PDE6D: variants seen among roughly 807,000 people sequenced by gnomAD.
The protein encoded by PDE6D is retinal rod rhodopsin-sensitive cGMP 3',5'-cyclic phosphodiesterase subunit delta.
PDE6D carries 10 observed loss-of-function variants against 21.9 expected under a neutral mutation model. That is an observed-to-expected ratio of 0.46 (90% CI 0.28 to 0.78). The LOEUF is 0.78. Ranked by LOEUF, PDE6D falls within the 30% of genes least tolerant of loss-of-function variation. The pLI is 0.12. For synonymous variants in PDE6D, 59 were observed against 63.5 expected, an observed-to-expected ratio of 0.93 and a Z score of 0.34; for missense variants, 139 against 184.8, an observed-to-expected ratio of 0.75 and a Z score of 1.44.
At chr2:231,743,196 C>T (rs186047262) in intron 1 of PDE6D, among the ~76,000 whole-genome samples, 58 of 151,968 alleles carry the variant, frequency 3.8e-4, no homozygotes, top group African/African-American at 1.4e-3. Context: ...GAGGCCGAGG[C>T]GGGCGGATCA....
intron 4 of PDE6D, among the ~76,000 whole-genome samples, chr2:231,735,390 C>T (rs929393802): frequency 1.3e-5 from 2 of 149,628 alleles, no homozygotes; most frequent in Non-Finnish European, 3.0e-5. Context: ...ACCTCCGGCA[C>T]CCAGATTCAA....
At chr2:231,741,859 G>A (rs1254639005) in intron 1 of PDE6D, among the ~76,000 whole-genome samples, 1 of 152,182 alleles carries the variant, frequency 6.6e-6, no homozygotes, top group African/African-American at 2.4e-5. Context: ...AATTTACCTG[G>A]GAGGATGGGG....
At chr2:231,777,501 A>G (rs1331879878) in intron 1 of PDE6D, among the ~76,000 whole-genome samples, 4 of 152,108 alleles carry the variant, frequency 2.6e-5, no homozygotes, top group Non-Finnish European at 5.9e-5. Context: ...CTATGGGCAT[A>G]TGGGCAAGCT....
intron 1 of PDE6D, among the ~76,000 whole-genome samples, chr2:231,744,479 G>T (rs952283709): frequency 1.4e-5 from 2 of 144,464 alleles, no homozygotes; most frequent in Non-Finnish European, 3.0e-5. Context: ...TTGTTGCCCC[G>T]ACTGGAGTGA....
At chr2:231,744,976 G>A (rs995337973) in intron 1 of PDE6D, among the ~76,000 whole-genome samples, 13 of 152,128 alleles carry the variant, frequency 8.5e-5, no homozygotes, top group African/African-American at 2.4e-4. Flanking sequence ...ATCCAACGAC[G>A]TTGGGATTGA....
chr2:231,780,881 G>A (rs914860078), intron 1 of PDE6D, among the ~76,000 whole-genome samples, 184 bp downstream of exon 1: 7 of 152,132 alleles, frequency 4.6e-5, no homozygotes, highest in Non-Finnish European at 1.0e-4. Context: ...CCCTCAGGAC[G>A]CCCCTTGGGG....
intron 4 of PDE6D, 151 bp downstream of exon 4, chr2:231,737,036 C>A (rs2048707096): frequency 4.5e-6 from 2 of 448,124 alleles, no homozygotes; most frequent in Non-Finnish European, 8.0e-6. Context: ...TGAAAAAGGT[C>A]AGGAACCTGG....
At chr2:231,747,444 A>C (rs2048803257) in intron 1 of PDE6D, among the ~76,000 whole-genome samples, 1 of 152,086 alleles carries the variant, frequency 6.6e-6, no homozygotes, top group Non-Finnish European at 1.5e-5. Flanking sequence ...CATTTAAATG[A>C]GCTGGTTCAT....
chr2:231,736,174 T>TA (rs1171539492), intron 4 of PDE6D, among the ~76,000 whole-genome samples: 1 of 151,972 alleles, frequency 6.6e-6, no homozygotes, highest in East Asian at 1.9e-4. Context: ...CCCTGTTTTT[T>TA]AAAAAAATAA....
intron 1 of PDE6D, among the ~76,000 whole-genome samples, chr2:231,741,113 C>CAAA (rs56947117): frequency 0.011 from 621 of 54,814 alleles, 15 homozygotes; most frequent in African/African-American, 0.039. Context: ...AACCCTGTCT[C>CAAA]AAAAAAAAAA....
Position 231,781,101 on chromosome 2 carries a change from TC to T in PDE6D, c.13del (p.Asp5ThrfsTer8). The T allele has an allele frequency of 6.2e-7, 1 of 1,613,426 alleles. No individual in the cohort carries two copies. Among genetic ancestry groups the T allele is most frequent in the Non-Finnish European group, 8.5e-7 (1 of 1,179,778 alleles). ...CCTCAGGATCTCCCTGGCCCGCTCG[TC>T]CTTGGCTGACATGATGCGGCGGTCG... MSAKDERAREILRGF... is the reference protein window; with the variant it reads MSAKXERAREILRGF... On this transcript the variant is annotated frameshift_variant, in exon 1 of 5. Transcript: ENST00000287600. LOFTEE classifies it high-confidence loss of function.
intron 1 of PDE6D, among the ~76,000 whole-genome samples, chr2:231,776,623 A>G (rs1472342316): frequency 6.6e-6 from 1 of 152,260 alleles, no homozygotes; most frequent in Non-Finnish European, 1.5e-5. Flanking sequence ...AACAGACATA[A>G]AGCTGGTTAA....
At chr2:231,747,869 C>G (rs1432657867) in intron 1 of PDE6D, among the ~76,000 whole-genome samples, 1 of 152,222 alleles carries the variant, frequency 6.6e-6, no homozygotes, top group Non-Finnish European at 1.5e-5. Flanking sequence ...AACACTGAGT[C>G]CACAATGGGT....
intron 1 of PDE6D, among the ~76,000 whole-genome samples, chr2:231,750,636 GGTGT>G (rs1378411948): frequency 6.8e-6 from 1 of 147,962 alleles, no homozygotes; most frequent in African/African-American, 2.5e-5. Flanking sequence ...AGGGATTACA[GGTGT>G]GTGCCACCAT....
chr2:231,763,692 G>A (rs186533274), intron 1 of PDE6D, among the ~76,000 whole-genome samples: 1 of 150,130 alleles, frequency 6.7e-6, no homozygotes, highest in East Asian at 2.0e-4. Flanking sequence ...CTGGGGTGTA[G>A]TGGTATGATT....
chr2:231,746,592 C>T (rs1436487870), intron 1 of PDE6D, among the ~76,000 whole-genome samples: 2 of 152,142 alleles, frequency 1.3e-5, no homozygotes, highest in Non-Finnish European at 2.9e-5. Flanking sequence ...AGACTTGATT[C>T]GTTTTAAATG....
At position 231,776,176 on chromosome 2, in the gene PDE6D, C is replaced by T. The variant is rs770134354; in HGVS notation, c.50+4889G>A. On this transcript the variant is annotated intron_variant, in intron 1 of 4. Coordinates refer to ENST00000287600, the MANE Select transcript of PDE6D (RefSeq NM_002601.4). Reference sequence around the variant, plus strand: ...TCTCTACTAAAAATACAAAAATTAGCCGGGCGTGGTGGCAGGTGCCTGTAA... The same window carrying T: ...TCTCTACTAAAAATACAAAAATTAGTCGGGCGTGGTGGCAGGTGCCTGTAA... 2.6e-5 allele frequency among the ~76,000 whole-genome samples: 4 copies of T among 152,020 alleles called. 1 individual carries two copies. Among genetic ancestry groups the T allele is most frequent in the Non-Finnish European group, 4.4e-5 (3 of 67,998 alleles).
intron 1 of PDE6D, among the ~76,000 whole-genome samples, chr2:231,741,727 G>A (rs538393327): frequency 2.6e-5 from 4 of 152,318 alleles, no homozygotes; most frequent in African/African-American, 9.6e-5. Flanking sequence ...TCCAAGTACT[G>A]ACATCAAGAA....
At chr2:231,743,401 G>C (rs2048765866) in intron 1 of PDE6D, among the ~76,000 whole-genome samples, 1 of 137,286 alleles carries the variant, frequency 7.3e-6, no homozygotes, top group Non-Finnish European at 1.5e-5. Context: ...CTGCACTCCA[G>C]CCTGGCGACA....
Sources: allele counts gnomAD v4.1 joint callset (sites outside exome capture counted in the v4.1 genomes callset), GRCh38; gene constraint gnomAD v4.1.1; transcripts MANE v1.5; gene names NCBI Gene and HGNC (gene_info 2026-07-23, HGNC 2026-07-21).